MICU3: variants seen among roughly 807,000 people sequenced by gnomAD.
The protein encoded by MICU3 is mitochondrial calcium uptake 3.
MICU3 carries 62 observed loss-of-function variants against 66.5 expected under a neutral mutation model. That is an observed-to-expected ratio of 0.93 (90% CI 0.76 to 1.15). MICU3 has a LOEUF of 1.15. Among genes scored for constraint, MICU3 ranks in the 50% most tolerant of loss-of-function variants. MICU3 has a pLI of 0.00. For synonymous variants in MICU3, 308 were observed against 240.7 expected (o/e 1.28, Z -2.59); for missense variants, 779 against 664.4 (o/e 1.17, Z -1.90).
At chr8:17,115,785 C>A (rs1222735400) in intron 12 of MICU3, among the ~76,000 whole-genome samples, 1 of 152,114 alleles carries the variant, frequency 6.6e-6, no homozygotes, top group East Asian at 1.9e-4. Flanking sequence ...GCCTCAAAGT[C>A]CCTGTGCAGA....
intron 11 of MICU3, among the ~76,000 whole-genome samples, chr8:17,107,532 G>T (rs1471447902): frequency 6.6e-6 from 1 of 152,170 alleles, no homozygotes; most frequent in Non-Finnish European, 1.5e-5. Context: ...GACTGTAAGA[G>T]TGATGGGAAG....
intron 1 of MICU3, among the ~76,000 whole-genome samples, chr8:17,044,729 C>T (rs1469246791): frequency 6.6e-6 from 1 of 152,188 alleles, no homozygotes; most frequent in Non-Finnish European, 1.5e-5. Context: ...CAGTTGGCCT[C>T]TACAGCAGCT....
chr8:17,033,639 G>C (rs1812464830), intron 1 of MICU3, among the ~76,000 whole-genome samples: 1 of 151,990 alleles, frequency 6.6e-6, no homozygotes, highest in African/African-American at 2.4e-5. Flanking sequence ...GGATTTCACT[G>C]TGTTTGCCAG....
chr8:17,031,231 AATTTT>A (rs1337170948), intron 1 of MICU3, among the ~76,000 whole-genome samples: 1 of 150,020 alleles, frequency 6.7e-6, no homozygotes, highest in African/African-American at 2.5e-5. Flanking sequence ...AAGAAAAAGA[AATTTT>A]ATTTTAAACC....
At position 17,027,447 on chromosome 8, in the gene MICU3, G is replaced by A. The variant is rs1406282009; in HGVS notation, c.168G>A (p.Ala56=). The change falls in exon 1 of 15, where the codon GCG becomes GCA. Residue 56 remains alanine, a synonymous_variant. Transcript: ENST00000318063. ...ATGAGGAGAGGGCTGTGGCGGAGGC[G>A]GCATGGAGGCGGCGGCGGCGCTGGG... ...REDEERAVAE[A]AWRRRRRWGE... 2.3e-6 allele frequency: 3 copies of A among 1,303,090 alleles called. No individual in the cohort carries two copies. The highest frequency in any genetic ancestry group is 2.5e-5 in the South Asian group (1 of 39,806). The allele number at this position is 1,303,090 out of a possible 1,614,324, so 80.7% of individuals were successfully genotyped here. A position where few individuals can be genotyped will look rare whatever the true frequency, so the allele number is the denominator to read the frequency against.
chr8:17,072,372 A>G (rs1819714439), intron 3 of MICU3, among the ~76,000 whole-genome samples: 1 of 152,130 alleles, frequency 6.6e-6, no homozygotes, highest in Non-Finnish European at 1.5e-5. Context: ...TACCATATAC[A>G]AAAACTAATT....
chr8:17,107,453 G>T (rs1328232930), intron 11 of MICU3, among the ~76,000 whole-genome samples: 1 of 152,162 alleles, frequency 6.6e-6, no homozygotes, highest in Admixed American at 6.5e-5. Context: ...TGAGTAAGGA[G>T]AGGTAGATAT....
At chr8:17,090,072 C>T (rs762237732) in intron 7 of MICU3, among the ~76,000 whole-genome samples, 1 of 151,924 alleles carries the variant, frequency 6.6e-6, no homozygotes, top group Non-Finnish European at 1.5e-5. Context: ...AGTATTATAC[C>T]TGCTTGGAGA....
intron 1 of MICU3, among the ~76,000 whole-genome samples, chr8:17,039,875 G>T (rs1813728902): frequency 6.9e-6 from 1 of 144,114 alleles, no homozygotes; most frequent in Non-Finnish European, 1.5e-5. Flanking sequence ...AGCTCATGAA[G>T]GTATCCATCA....
intron 1 of MICU3, among the ~76,000 whole-genome samples, chr8:17,059,176 G>A (rs983775592): frequency 6.6e-6 from 1 of 152,028 alleles, no homozygotes; most frequent in African/African-American, 2.4e-5. Flanking sequence ...TTTTTGTTTG[G>A]GGATTCCTAT....
intron 9 of MICU3, among the ~76,000 whole-genome samples, chr8:17,099,005 G>T (rs1026458160): frequency 9.9e-5 from 15 of 151,640 alleles, no homozygotes; most frequent in African/African-American, 3.6e-4. Flanking sequence ...TCAAGGAAGG[G>T]AGGAATATTT....
At chr8:17,060,801 AT>A (rs35051264) in intron 1 of MICU3, among the ~76,000 whole-genome samples, 33,784 of 142,070 alleles carry the variant, frequency 0.24, 3,637 homozygotes, top group South Asian at 0.36. Context: ...TTAGGATATA[AT>A]TTTTTTTTTT....
rs188505584 is a variant in MICU3, at chr8:17,040,156, C to G, written c.381+12496C>G. Among the ~76,000 whole-genome samples the G allele has an allele frequency of 3.2e-3, 485 of 152,166 alleles. 1 individual carries two copies. The highest frequency in any genetic ancestry group is 5.4e-3 in the South Asian group (26 of 4,824). ...CTCCCGATCTCAGGTGATCCGCCCA[C>G]CTCGGCCTCCCGAAGTGTTGGGATT... On this transcript the variant is annotated intron_variant, in intron 1 of 14. Transcript: ENST00000318063.
chr8:17,065,100 A>C (rs567496504), intron 2 of MICU3, among the ~76,000 whole-genome samples: 4 of 152,306 alleles, frequency 2.6e-5, no homozygotes, highest in South Asian at 2.1e-4. Flanking sequence ...TTTTTTTAAA[A>C]AATAATTCAT....
At chr8:17,050,667 G>T (rs1263489404) in intron 1 of MICU3, among the ~76,000 whole-genome samples, 1 of 152,052 alleles carries the variant, frequency 6.6e-6, no homozygotes, top group African/African-American at 2.4e-5. Flanking sequence ...TTTCCATTAT[G>T]TAATTTTAAG....
At chr8:17,048,537 C>T (rs1382692068) in intron 1 of MICU3, among the ~76,000 whole-genome samples, 1 of 152,154 alleles carries the variant, frequency 6.6e-6, no homozygotes, top group Admixed American at 6.5e-5. Flanking sequence ...GGGTCCCTCT[C>T]ATGACACATG....
chr8:17,045,799 A>C (rs565926324), intron 1 of MICU3, among the ~76,000 whole-genome samples: 1 of 152,344 alleles, frequency 6.6e-6, no homozygotes, highest in South Asian at 2.1e-4. Context: ...CACATCTTAC[A>C]TGGAGGCAGA....
intron 1 of MICU3, among the ~76,000 whole-genome samples, chr8:17,045,533 C>A (rs567753355): frequency 6.6e-6 from 1 of 152,104 alleles, no homozygotes; most frequent in Admixed American, 6.5e-5. Flanking sequence ...AATGAAGTCC[C>A]GATAAAAAGA....
At chr8:17,069,632 GATATATATTCC>G (rs1819246892) in intron 2 of MICU3, 45 bp from the exon 3 acceptor site, 1 of 1,122,982 alleles carries the variant, frequency 8.9e-7, no homozygotes, top group Non-Finnish European at 1.3e-6. Context: ...AGCAAATATG[GATATATATTCC>G]ATGAAGTATT....
Sources: gnomAD v4.1 joint callset for allele counts (sites outside exome capture counted in the v4.1 genomes callset) on GRCh38, gnomAD v4.1.1 for gene constraint, MANE v1.5 for transcripts, NCBI Gene and HGNC (gene_info 2026-07-23, HGNC 2026-07-21) for gene names.